MARCO: variants seen among roughly 807,000 people sequenced by gnomAD.
The protein encoded by MARCO is macrophage receptor with collagenous structure, also known as macrophage receptor MARCO.
A neutral mutation model predicts 70.0 loss-of-function variants in MARCO; 72 were observed. The ratio of observed to expected loss-of-function variants is 1.03; its 90% CI spans 0.85 to 1.25. MARCO has a LOEUF of 1.25. Among genes scored for constraint, MARCO ranks in the 50% most tolerant of loss-of-function variants. MARCO has a pLI of 0.00. For missense variants in MARCO, 696 were observed against 659.3 expected, an observed-to-expected ratio of 1.06 and a Z score of -0.61; for synonymous variants, 273 against 243.1, an observed-to-expected ratio of 1.12 and a Z score of -1.14.
At chr2:118,977,991 C>T in intron 8 of MARCO, 56 bp downstream of exon 8, 1 of 1,204,584 alleles carries the variant, frequency 8.3e-7, no homozygotes, top group Non-Finnish European at 1.2e-6. Context: ...GGAACTAGGG[C>T]CTGACCTCTG....
chr2:118,979,076 T>C lies in MARCO; in HGVS notation c.766+1141T>C, dbSNP rs114428557. Among the ~76,000 whole-genome samples the C allele has an allele frequency of 1.8e-3, 268 of 152,284 alleles. 3 individuals carry two copies. The highest frequency in any genetic ancestry group is 6.2e-3 in the African/African-American group (258 of 41,552). On this transcript the variant is annotated intron_variant, in intron 8 of 16. Transcript: ENST00000327097. ...CTGCAGGAATATAAGACATATGAGA[T>C]GTGTACCACTGTACCTGGCACATGG...
At chr2:118,960,825 C>T (rs1407394012) in intron 1 of MARCO, among the ~76,000 whole-genome samples, 1 of 152,010 alleles carries the variant, frequency 6.6e-6, no homozygotes, top group East Asian at 1.9e-4. Context: ...TTGCTGCACC[C>T]GTCAACCCAT....
At chr2:118,962,005 G>A (rs1269636471) in intron 1 of MARCO, among the ~76,000 whole-genome samples, 1 of 151,154 alleles carries the variant, frequency 6.6e-6, no homozygotes. Context: ...TTTTTGTCAG[G>A]TTTGTTGAAG....
chr2:118,962,567 GTTTC>G (rs1481029330), intron 1 of MARCO, among the ~76,000 whole-genome samples: 4 of 151,864 alleles, frequency 2.6e-5, no homozygotes, highest in Non-Finnish European at 4.4e-5. Flanking sequence ...AGTTTTGTTT[GTTTC>G]TTTCTTTCTT....
chr2:118,977,659 T>C, intron 7 of MARCO, 144 bp downstream of exon 7: 1 of 825,332 alleles, frequency 1.2e-6, no homozygotes. Flanking sequence ...TTCTCTTGAG[T>C]CCTGTCACAT....
chr2:118,977,579 C>CCCCCCCCCCCCTCCCCTTTT, intron 7 of MARCO, 64 bp downstream of exon 7: 1 of 1,407,680 alleles, frequency 7.1e-7, no homozygotes, highest in Non-Finnish European at 1.0e-6. Context: ...GGCAGTTCCC[C>CCCCCCCCCCCCTCCCCTTTT]CCCACCCCCC....
chr2:118,957,175 A>G (rs552994648), intron 1 of MARCO, among the ~76,000 whole-genome samples: 1 of 152,170 alleles, frequency 6.6e-6, no homozygotes, highest in South Asian at 2.1e-4. Flanking sequence ...ACAAAAAAAT[A>G]CAAAAGATAA....
At position 118,990,602 on chromosome 2, in the gene MARCO, G is replaced by A; in HGVS notation, c.1077G>A (p.Gln359=). ...TTTTGATCTTAGGACTTCAAGGACA[G>A]CAAGGAAGAAAAGGAGAATCAGGAG... ...GSKGDTGLQG[Q]QGRKGESGVP... is the part of the protein sequence containing the mutation. Residue 359 remains glutamine (Q), a synonymous_variant, in exon 13 of 17, where the codon CAG becomes CAA. Coordinates refer to ENST00000327097, the MANE Select transcript of MARCO (RefSeq NM_006770.4). 1 of 1,512,210 alleles carries A rather than the reference G, an allele frequency of 6.6e-7. No individual in the cohort carries two copies. The highest frequency in any genetic ancestry group is 9.0e-7 in the Non-Finnish European group (1 of 1,105,774). 93.7% of individuals were successfully genotyped at this position (1,512,210 alleles called of 1,614,324 possible).
chr2:118,984,053 C>T (rs1340499443), intron 12 of MARCO, among the ~76,000 whole-genome samples: 2 of 152,166 alleles, frequency 1.3e-5, no homozygotes, highest in Non-Finnish European at 1.5e-5. Flanking sequence ...CACAACTTTA[C>T]GGTCAAACAG....
intron 12 of MARCO, among the ~76,000 whole-genome samples, chr2:118,986,560 G>T (rs561915117): frequency 8.6e-6 from 1 of 116,926 alleles, no homozygotes; most frequent in African/African-American, 4.6e-5. Context: ...AAGGAAGGAA[G>T]GGAGGGAGGG....
Position 118,993,126 on chromosome 2 carries a change from G to A in MARCO, c.1255G>A (p.Glu419Lys). The A allele has an allele frequency of 3.7e-6, 6 of 1,614,204 alleles. No individual in the cohort carries two copies. The highest frequency in any genetic ancestry group is 5.1e-6 in the Non-Finnish European group (6 of 1,180,016). The stretch of plus-strand genomic sequence containing the variant: ...CCCATGTGTGTTTCTTCACCCAGGT[G>A]AAAACTCAGTGTCCGTCAGGATTGT... ...GVKGEKGERG[E>K]NSVSVRIVGS... Residue 419 changes from glutamate (E) to lysine (K), a missense_variant and splice_region_variant, in exon 16 of 17, where the codon GAA (glutamate) becomes AAA (lysine). Around this residue, in one of 3 missense-constraint regions of MARCO, gnomAD observed 605 missense variants for 537.6 expected, o/e 1.13. Coordinates refer to ENST00000327097, the MANE Select transcript of MARCO (RefSeq NM_006770.4).
intron 6 of MARCO, among the ~76,000 whole-genome samples, chr2:118,975,983 G>T (rs1483812967): frequency 6.6e-6 from 1 of 152,148 alleles, no homozygotes; most frequent in Non-Finnish European, 1.5e-5. Flanking sequence ...AGGGGAGTGG[G>T]TCTCCCTCCA....
chr2:118,947,243 T>G (rs1455030791), intron 1 of MARCO, among the ~76,000 whole-genome samples: 2 of 152,222 alleles, frequency 1.3e-5, no homozygotes, highest in Non-Finnish European at 2.9e-5. Context: ...TTAGCCCTTG[T>G]TGGTGAAGAT....
At chr2:118,990,948 T>C (rs1680610899) in intron 13 of MARCO, among the ~76,000 whole-genome samples, 1 of 152,186 alleles carries the variant, frequency 6.6e-6, no homozygotes, top group Non-Finnish European at 1.5e-5. Flanking sequence ...ACAGCCGCCA[T>C]GGAGCTGTGC....
rs149795380 is a variant in MARCO, at chr2:118,992,609, C to T, written c.1252+133C>T. 3,106 of 730,098 alleles carry T rather than the reference C, an allele frequency of 4.3e-3. 16 individuals are homozygous for T. The highest frequency in any genetic ancestry group is 8.4e-3 in the Middle Eastern group (35 of 4,166). 45.2% of individuals were successfully genotyped at this position (730,098 alleles called of 1,614,324 possible). On this transcript the variant is annotated intron_variant, in intron 15 of 16. Coordinates refer to ENST00000327097, the MANE Select transcript of MARCO (RefSeq NM_006770.4). ...TTTGGGGAGGAGTTGAGGGTCTAGT[C>T]CCTTGAATGAGCCTGCCCACGGCAC...
chr2:118,944,572 T>C (rs750996295), intron 1 of MARCO, among the ~76,000 whole-genome samples: 1 of 152,220 alleles, frequency 6.6e-6, no homozygotes, highest in Non-Finnish European at 1.5e-5. Flanking sequence ...ATATTTCTAA[T>C]GTCATTTTCC....
chr2:118,962,197 T>C (rs887562134), intron 1 of MARCO, among the ~76,000 whole-genome samples: 2 of 152,224 alleles, frequency 1.3e-5, no homozygotes, highest in Non-Finnish European at 2.9e-5. Context: ...TTCTTGGATA[T>C]ACAAGCTCTT....
chr2:118,972,573 T>C (rs1458969061), intron 4 of MARCO, among the ~76,000 whole-genome samples: 1 of 152,190 alleles, frequency 6.6e-6, no homozygotes, highest in Non-Finnish European at 1.5e-5. Context: ...CTTCCTAGGA[T>C]TGGTGTCAGG....
At chr2:118,985,135 A>G (rs574476732) in intron 12 of MARCO, among the ~76,000 whole-genome samples, 1 of 152,266 alleles carries the variant, frequency 6.6e-6, no homozygotes, top group East Asian at 1.9e-4. Context: ...ACAAACAAGG[A>G]AGCAAAGGCT....
Sources: gnomAD v4.1 joint callset for allele counts (sites outside exome capture counted in the v4.1 genomes callset) on GRCh38, gnomAD v4.1.1 for gene constraint, gnomAD v4.1.1 regional missense constraint, MANE v1.5 for transcripts, NCBI Gene and HGNC (gene_info 2026-07-23, HGNC 2026-07-21) for gene names.